Variants in SLC39A8 observed in about 807,000 individuals in gnomAD.
SLC39A8 encodes solute carrier family 39 member 8.
A neutral mutation model predicts 40.4 loss-of-function variants in SLC39A8; 15 were observed. The observed-to-expected ratio is 0.37, with a 90% CI of 0.25 to 0.57. The LOEUF (loss-of-function observed/expected upper bound fraction) is 0.57, where lower values mean the gene tolerates loss of function less well. SLC39A8 is among the 20% of genes least tolerant of loss of function. The pLI is 0.75. For missense variants in SLC39A8, 472 were observed against 558.8 expected (o/e 0.84, Z 1.57); for synonymous variants, 223 against 221.6 (o/e 1.01, Z -0.06).
intron 6 of SLC39A8, among the ~76,000 whole-genome samples, chr4:102,268,703 C>A (rs1310666346): frequency 6.6e-6 from 1 of 152,180 alleles, no homozygotes; most frequent in African/African-American, 2.4e-5. Flanking sequence ...TCTACCAGCT[C>A]CAAAGCTTAA....
At position 102,303,103 on chromosome 4, in the gene SLC39A8, C is replaced by G. The variant is rs559830641; in HGVS notation, c.840+1214G>C. 5.9e-5 allele frequency among the ~76,000 whole-genome samples: 9 copies of G among 151,808 alleles called. No homozygotes were observed. The South Asian group carries it at 1.9e-3, about 32-fold the overall frequency. ...CTCTATTTTTTTTGCTTTTTTTCCC[C>G]TTAACTGGCTTTCCTTTTTATTTTG... is the stretch of plus-strand genomic sequence containing the variant. On this transcript the variant is annotated intron_variant, in intron 6 of 8. Transcript: ENST00000356736.
chr4:102,324,770 A>G (rs981355627), intron 2 of SLC39A8, among the ~76,000 whole-genome samples: 3 of 152,226 alleles, frequency 2.0e-5, no homozygotes, highest in African/African-American at 7.2e-5. Flanking sequence ...GAATATGGCA[A>G]CTGGCCAAAG....
In SLC39A8 at chr4:102,262,530, T is replaced by TC; in HGVS notation, c.*513dup. The stretch of plus-strand genomic sequence containing the variant: ...AAAAAGCTGTGAGAAATCTTTTTTT[T>TC]CTTTGGCTCCTTAAAGACTTGGAAT... On this transcript the variant is annotated 3_prime_UTR_variant, in exon 9 of 9. Coordinates refer to ENST00000356736, the MANE Select transcript of SLC39A8 (RefSeq NM_001135146.2). The TC allele has an allele frequency of 6.1e-6, 6 of 985,424 alleles. No homozygotes were observed. The highest frequency in any genetic ancestry group is 7.2e-6 in the Non-Finnish European group (6 of 829,784). 61.0% of individuals were successfully genotyped at this position (985,424 alleles called of 1,614,324 possible). A position where few individuals can be genotyped will look rare whatever the true frequency, so the allele number is the denominator to read the frequency against.
At chr4:102,312,537 T>C (rs1734476417) in intron 3 of SLC39A8, among the ~76,000 whole-genome samples, 1 of 152,140 alleles carries the variant, frequency 6.6e-6, no homozygotes, top group South Asian at 2.1e-4. Flanking sequence ...CTTTTGAATA[T>C]GAGTAATTAA....
intron 2 of SLC39A8, among the ~76,000 whole-genome samples, chr4:102,337,751 A>C (rs1263136015): frequency 6.6e-6 from 1 of 152,208 alleles, no homozygotes; most frequent in East Asian, 1.9e-4. Flanking sequence ...CTTCTAGCAT[A>C]AAAGTGAGAA....
At chr4:102,342,942 C>T (rs1330596867) in intron 2 of SLC39A8, among the ~76,000 whole-genome samples, 2 of 152,178 alleles carry the variant, frequency 1.3e-5, no homozygotes, top group African/African-American at 2.4e-5. Context: ...TTTCCAAGCA[C>T]GTGACCATAC....
chr4:102,303,294 C>A (rs938238766), intron 6 of SLC39A8, among the ~76,000 whole-genome samples: 3 of 151,876 alleles, frequency 2.0e-5, no homozygotes, highest in Non-Finnish European at 2.9e-5. Context: ...TTTCAGCATC[C>A]CTTTTTGATA....
At chr4:102,319,483 T>C (rs1400883206) in intron 2 of SLC39A8, among the ~76,000 whole-genome samples, 1 of 152,126 alleles carries the variant, frequency 6.6e-6, no homozygotes, top group African/African-American at 2.4e-5. Flanking sequence ...ACCTTCTAAC[T>C]CAGTTTAAAG....
downstream of SLC39A8, chr4:102,261,625 A>G: frequency 1.2e-6 from 1 of 832,942 alleles, no homozygotes. Context: ...CATGGTAGTC[A>G]CTCAACAGGA....
chr4:102,299,633 C>T (rs755363479), intron 6 of SLC39A8, among the ~76,000 whole-genome samples: 1 of 152,074 alleles, frequency 6.6e-6, no homozygotes, highest in Non-Finnish European at 1.5e-5. Flanking sequence ...AAGAAAATCT[C>T]CCTAACATCT....
At chr4:102,253,847 C>T (rs948991456) in intron 11 of SLC39A8, among the ~76,000 whole-genome samples, 14 of 151,970 alleles carry the variant, frequency 9.2e-5, no homozygotes, top group Admixed American at 2.6e-4. Flanking sequence ...GTGTGCGTAC[C>T]GCTGAGTAGC....
rs1200721958 is a variant in SLC39A8 at position 102,327,096 on chromosome 4, AC to A, written c.220-11267del. ...CAGGAGTTCAAAACCAGCTTGAATG[AC>A]AAAAATAATTAAAAATTAGCTAAGC... On this transcript the variant is annotated intron_variant, in intron 2 of 8. Coordinates refer to ENST00000356736, the MANE Select transcript of SLC39A8 (RefSeq NM_001135146.2). Among the ~76,000 whole-genome samples the A allele has an allele frequency of 7.9e-5, 12 of 152,320 alleles. No homozygotes were observed. In the East Asian group the frequency reaches 2.3e-3, roughly 29 times the overall value.
downstream of SLC39A8, among the ~76,000 whole-genome samples, chr4:102,261,495 C>T (rs897786646): frequency 2.0e-5 from 3 of 152,128 alleles, no homozygotes; most frequent in Non-Finnish European, 2.9e-5. Flanking sequence ...TTAAAATCGT[C>T]GACTCTTGGG....
At chr4:102,280,496 C>T (rs117105881) in intron 6 of SLC39A8, among the ~76,000 whole-genome samples, 10 of 152,214 alleles carry the variant, frequency 6.6e-5, no homozygotes, top group East Asian at 5.8e-4. Flanking sequence ...AAGAGTTAAA[C>T]GCATTCTGTA....
chr4:102,325,965 G>A (rs983254156), intron 2 of SLC39A8, among the ~76,000 whole-genome samples: 3 of 152,060 alleles, frequency 2.0e-5, no homozygotes, highest in Non-Finnish European at 2.9e-5. Flanking sequence ...TCAGCTTTTC[G>A]AGGTCTTGTC....
chr4:102,327,467 C>T (rs1560566108), intron 2 of SLC39A8, among the ~76,000 whole-genome samples: 1 of 152,168 alleles, frequency 6.6e-6, no homozygotes, highest in South Asian at 2.1e-4. Flanking sequence ...TGATACATCT[C>T]CTCTCAAACT....
At chr4:102,317,904 C>T (rs1278240083) in intron 2 of SLC39A8, among the ~76,000 whole-genome samples, 1 of 152,114 alleles carries the variant, frequency 6.6e-6, no homozygotes, top group African/African-American at 2.4e-5. Context: ...TCAGGACGCC[C>T]ACTTGCTAAG....
rs753227272 is a variant in SLC39A8, at chr4:102,344,696, G to C, written c.-34C>G. The stretch of plus-strand genomic sequence containing the variant: ...GGGCTTCCCCTTGAGGGCCCGCGAC[G>C]GGCTGCCGCGCAGAGGGACGCGCGC... On this transcript the variant is annotated 5_prime_UTR_variant, in exon 2 of 9. Coordinates refer to ENST00000356736, the MANE Select transcript of SLC39A8 (RefSeq NM_001135146.2). The C allele has an allele frequency of 1.4e-6, 2 of 1,410,806 alleles. No homozygotes were observed. The highest frequency in any genetic ancestry group is 1.5e-5 in the South Asian group (1 of 64,588). The allele number at this position is 1,410,806 out of a possible 1,614,324, so 87.4% of individuals were successfully genotyped here.
At chr4:102,301,915 A>G (rs1384883141) in intron 6 of SLC39A8, among the ~76,000 whole-genome samples, 1 of 152,110 alleles carries the variant, frequency 6.6e-6, no homozygotes. Flanking sequence ...AAATATGCCT[A>G]TCAGCTCATT....
Sources: gnomAD v4.1 joint callset for allele counts (sites outside exome capture counted in the v4.1 genomes callset) on GRCh38, gnomAD v4.1.1 for gene constraint, MANE v1.5 for transcripts, NCBI Gene and HGNC (gene_info 2026-07-23, HGNC 2026-07-21) for gene names.